Variants in FHIT observed in about 807,000 individuals in gnomAD.
The protein encoded by FHIT is fragile histidine triad diadenosine triphosphatase.
FHIT carries 19 observed loss-of-function variants against 17.9 expected under a neutral mutation model. The observed-to-expected ratio is 1.06, with a 90% confidence interval of 0.74 to 1.56. The LOEUF (loss-of-function observed/expected upper bound fraction) is 1.56. Ranked by LOEUF, FHIT falls within the 40% of genes most tolerant of loss-of-function variation. The probability of loss-of-function intolerance (pLI) is 0.00; values close to 1 mark genes in which losing one functional copy is unlikely to be tolerated. For missense variants in FHIT, 248 were observed against 189.2 expected, an observed-to-expected ratio of 1.31 and a Z score of -1.82; for synonymous variants, 81 against 69.7, an observed-to-expected ratio of 1.16 and a Z score of -0.81.
intron 3 of FHIT, among the ~76,000 whole-genome samples, chr3:61,032,251 T>C (rs1402554549): frequency 5.9e-5 from 9 of 152,116 alleles, no homozygotes; most frequent in African/African-American, 2.2e-4. Context: ...AAAGTTTCAG[T>C]TTTAACCTCC....
chr3:59,899,416 G>A (rs1052630239), intron 8 of FHIT, among the ~76,000 whole-genome samples: 4 of 152,160 alleles, frequency 2.6e-5, no homozygotes, highest in African/African-American at 4.8e-5. Flanking sequence ...CACCCTCAAG[G>A]AGCCCTCATC....
At chr3:60,269,830 T>C (rs1410023807) in intron 5 of FHIT, among the ~76,000 whole-genome samples, 1 of 152,158 alleles carries the variant, frequency 6.6e-6, no homozygotes, top group African/African-American at 2.4e-5. Flanking sequence ...GGGAGAAATG[T>C]CTAACTTCAT....
chr3:60,761,822 C>A (rs781972170), intron 4 of FHIT, among the ~76,000 whole-genome samples: 15 of 151,858 alleles, frequency 9.9e-5, no homozygotes, highest in Middle Eastern at 3.2e-3. Flanking sequence ...GAACATTTAC[C>A]AATGCCCGCC....
intron 4 of FHIT, among the ~76,000 whole-genome samples, chr3:60,552,524 A>G (rs1479487462): frequency 6.6e-6 from 1 of 152,210 alleles, no homozygotes. Flanking sequence ...GGTCTGGCTG[A>G]GACCTAGATA....
At chr3:61,224,740 A>G (rs1251635239) in intron 1 of FHIT, among the ~76,000 whole-genome samples, 2 of 152,320 alleles carry the variant, frequency 1.3e-5, no homozygotes, top group Middle Eastern at 3.4e-3. Context: ...CCATGATACC[A>G]GAACATTAAG....
intron 2 of FHIT, among the ~76,000 whole-genome samples, chr3:61,189,390 C>T (rs955112706): frequency 5.9e-5 from 9 of 152,074 alleles, no homozygotes; most frequent in Non-Finnish European, 1.3e-4. Flanking sequence ...TGGGAAGGAC[C>T]TCTTGAAGGA....
intron 3 of FHIT, among the ~76,000 whole-genome samples, chr3:60,887,442 C>A (rs1291942680): frequency 6.6e-6 from 1 of 151,982 alleles, no homozygotes; most frequent in African/African-American, 2.4e-5. Context: ...GTCAGGAGTT[C>A]GAGACCAGCC....
rs1432957645 is a variant in FHIT, at chr3:59,976,714, G to A, written c.279+34657C>T. The stretch of plus-strand genomic sequence containing the variant: ...GCCTTAGCACTTTCCAAATATCTAG[G>A]CTTCCCCTAGAAATACTTACAAGGG... On this transcript the variant is annotated intron_variant, in intron 7 of 9. Coordinates refer to ENST00000492590, the MANE Select transcript of FHIT (RefSeq NM_002012.4). Among the ~76,000 whole-genome samples the A allele has an allele frequency of 7.9e-5, 12 of 152,054 alleles. No individual in the cohort carries two copies. The South Asian group carries it at 2.5e-3, about 32-fold the overall frequency.
chr3:59,854,102 G>T (rs1166370146), intron 8 of FHIT, among the ~76,000 whole-genome samples: 1 of 152,196 alleles, frequency 6.6e-6, no homozygotes, highest in Non-Finnish European at 1.5e-5. Flanking sequence ...TGAAAATTGT[G>T]AAGTAAATTA....
At chr3:60,134,570 T>C (rs1178319460) in intron 5 of FHIT, among the ~76,000 whole-genome samples, 3 of 152,300 alleles carry the variant, frequency 2.0e-5, no homozygotes, top group East Asian at 1.9e-4. Flanking sequence ...TGAACACACA[T>C]GCTCATATAC....
chr3:60,560,203 A>G (rs983594311), intron 4 of FHIT, among the ~76,000 whole-genome samples: 1 of 152,154 alleles, frequency 6.6e-6, no homozygotes, highest in African/African-American at 2.4e-5. Context: ...CTGCAGAAGA[A>G]TGTGGTGTTA....
intron 5 of FHIT, among the ~76,000 whole-genome samples, chr3:60,473,719 G>A (rs2033203713): frequency 6.6e-6 from 1 of 152,132 alleles, no homozygotes; most frequent in African/African-American, 2.4e-5. Context: ...AGGAGTTCGA[G>A]ACCAGCCTGG....
intron 5 of FHIT, among the ~76,000 whole-genome samples, chr3:60,177,550 G>A (rs879323253): frequency 2.6e-5 from 4 of 152,178 alleles, no homozygotes; most frequent in Non-Finnish European, 5.9e-5. Flanking sequence ...TACTGGGATG[G>A]GGAAACAGAC....
At chr3:60,885,399 A>G (rs1472645892) in intron 3 of FHIT, among the ~76,000 whole-genome samples, 4 of 152,150 alleles carry the variant, frequency 2.6e-5, no homozygotes, top group African/African-American at 9.7e-5. Flanking sequence ...TAAAAGCCCA[A>G]ATTATAGTAA....
intron 2 of FHIT, among the ~76,000 whole-genome samples, chr3:61,098,492 A>G (rs1303923017): frequency 6.6e-6 from 1 of 152,176 alleles, no homozygotes; most frequent in Non-Finnish European, 1.5e-5. Context: ...GAAGAATCTC[A>G]ATGGTAGATT....
intron 5 of FHIT, among the ~76,000 whole-genome samples, chr3:60,125,650 G>T (rs1441526900): frequency 6.8e-6 from 1 of 146,438 alleles, no homozygotes; most frequent in Admixed American, 6.7e-5. Context: ...ATACATATGT[G>T]TGTATGTGTT....
At chr3:60,208,957 G>A (rs1703324620) in intron 5 of FHIT, among the ~76,000 whole-genome samples, 3 of 152,250 alleles carry the variant, frequency 2.0e-5, no homozygotes, top group Admixed American at 2.0e-4. Flanking sequence ...GGGTGACAGA[G>A]AACACACTGG....
intron 5 of FHIT, among the ~76,000 whole-genome samples, chr3:60,014,806 T>C (rs886610716): frequency 3.3e-5 from 5 of 152,160 alleles, no homozygotes; most frequent in Non-Finnish European, 7.4e-5. Context: ...AGGTAAATCA[T>C]GAACGAAAGG....
intron 3 of FHIT, among the ~76,000 whole-genome samples, chr3:61,016,912 A>G (rs77639388): frequency 6.6e-6 from 1 of 152,374 alleles, no homozygotes; most frequent in East Asian, 1.9e-4. Flanking sequence ...GTTTCTCCAC[A>G]AAAGATGACC....
Sources: gnomAD v4.1 joint callset for allele counts (sites outside exome capture counted in the v4.1 genomes callset) on GRCh38, gnomAD v4.1.1 for gene constraint, MANE v1.5 for transcripts, NCBI Gene and HGNC (gene_info 2026-07-23, HGNC 2026-07-21) for gene names.